The following DPP6 variants were observed in gnomAD, a reference collection of about 807,000 sequenced individuals.
DPP6 encodes A-type potassium channel modulatory protein DPP6.
A neutral mutation model predicts 122.6 loss-of-function variants in DPP6; 69 were observed. The ratio of observed to expected loss-of-function variants is 0.56; its 90% CI spans 0.46 to 0.69. The LOEUF (loss-of-function observed/expected upper bound fraction) is 0.69. Ranked by LOEUF, DPP6 falls within the 30% of genes least tolerant of loss-of-function variation. The pLI, the probability that DPP6 is intolerant of heterozygous loss-of-function variation, is 0.00. For missense variants in DPP6, 928 were observed against 1,116.9 expected, an observed-to-expected ratio of 0.83 and a Z score of 2.41; for synonymous variants, 418 against 433.1, an observed-to-expected ratio of 0.97 and a Z score of 0.43.
chr7:154,597,060 G>A lies in DPP6; in HGVS notation c.627+30144G>A, dbSNP rs369726390. ...ACTTCTTAGTATTTTGAGGCAGAGG[G>A]AAGAACTACAAAAAAACCTCAGGGC... is the stretch of plus-strand genomic sequence containing the variant. On this transcript the variant is annotated intron_variant, in intron 5 of 25. Coordinates refer to ENST00000377770, the MANE Select transcript of DPP6 (RefSeq NM_130797.4). 5.3e-5 allele frequency among the ~76,000 whole-genome samples: 8 copies of A among 152,088 alleles called. No homozygotes were observed. The South Asian group carries it at 1.7e-3, about 32-fold the overall frequency.
chr7:154,118,304 T>C (rs1303206500), intron 1 of DPP6, among the ~76,000 whole-genome samples: 1 of 150,108 alleles, frequency 6.7e-6, no homozygotes, highest in Non-Finnish European at 1.5e-5. Context: ...ATATCTGAGA[T>C]GGCAGGAACA....
intron 2 of DPP6, among the ~76,000 whole-genome samples, chr7:154,453,218 G>A (rs1419445681): frequency 1.3e-5 from 2 of 152,072 alleles, no homozygotes; most frequent in Non-Finnish European, 2.9e-5. Flanking sequence ...TAGAGCAGGT[G>A]GACAGTGGTT....
chr7:154,806,929 G>A lies in DPP6; in HGVS notation c.1548-65G>A, dbSNP rs11764611. ...TCATGGGGAGAGCCCACCAGCTTGCGGCACCCAGCGTGGAGGGCAGCTCCT... is the reference window on the plus strand; with the variant it reads ...TCATGGGGAGAGCCCACCAGCTTGCAGCACCCAGCGTGGAGGGCAGCTCCT... On this transcript the variant is annotated intron_variant, in intron 15 of 25. Coordinates refer to ENST00000377770, the MANE Select transcript of DPP6 (RefSeq NM_130797.4). 101,463 of 1,580,294 alleles carry A rather than the reference G, an allele frequency of 0.064. 3,796 individuals carry two copies. The highest frequency in any genetic ancestry group is 0.076 in the Non-Finnish European group (87,731 of 1,160,980).
the DPP6 span, among the ~76,000 whole-genome samples, chr7:153,813,094 G>A: frequency 6.6e-6 from 1 of 151,782 alleles, no homozygotes; most frequent in Non-Finnish European, 1.5e-5. Context: ...ATGTATACAT[G>A]TGCCATGCTG....
rs115603296 is a variant in DPP6, at chr7:154,193,825, C to T, written c.243+140762C>T. On this transcript the variant is annotated intron_variant, in intron 1 of 25. Transcript: ENST00000377770. Reference sequence around the variant, plus strand: ...AGAAAGCAAAAGTATGTACTCCTCCCGGCTAAGCAGGTTGTGAGAATCCCA... The same window carrying T: ...AGAAAGCAAAAGTATGTACTCCTCCTGGCTAAGCAGGTTGTGAGAATCCCA... Among the ~76,000 whole-genome samples, 964 of 152,048 alleles carry T rather than the reference C, an allele frequency of 6.3e-3. 10 individuals carry two copies. The highest frequency in any genetic ancestry group is 0.022 in the African/African-American group (920 of 41,480).
chr7:154,472,559 C>T (rs1436761873), intron 2 of DPP6, among the ~76,000 whole-genome samples: 1 of 152,212 alleles, frequency 6.6e-6, no homozygotes, highest in Non-Finnish European at 1.5e-5. Flanking sequence ...ATCATTCATT[C>T]TGCTTTGGTT....
chr7:154,565,658 T>C (rs954667610), intron 4 of DPP6, among the ~76,000 whole-genome samples: 2 of 152,144 alleles, frequency 1.3e-5, no homozygotes, highest in African/African-American at 4.8e-5. Context: ...CCTAAGTAGC[T>C]GGGATTACAG....
At chr7:153,967,257 G>T (rs773223011) in intron 1 of DPP6, among the ~76,000 whole-genome samples, 2 of 151,978 alleles carry the variant, frequency 1.3e-5, no homozygotes, top group African/African-American at 4.8e-5. Context: ...TTTGCAGTTG[G>T]GGTCATATTC....
Position 154,080,588 on chromosome 7 carries a change from A to T in DPP6, c.243+27525A>T, listed in dbSNP as rs545096408. Among the ~76,000 whole-genome samples, 59 of 152,294 alleles carry T rather than the reference A, an allele frequency of 3.9e-4. 1 individual carries two copies. The South Asian group carries it at 0.011, about 29-fold the overall frequency. On this transcript the variant is annotated intron_variant, in intron 1 of 25. Coordinates refer to ENST00000377770, the MANE Select transcript of DPP6 (RefSeq NM_130797.4). ...CATATGCTTTTCCCTATGGTAGATA[A>T]GCCTTGGGTCTGGGAGTAAGAGTGC... is the stretch of plus-strand genomic sequence containing the variant.
chr7:154,651,879 AC>A (rs1304814857), intron 6 of DPP6, among the ~76,000 whole-genome samples: 1 of 152,104 alleles, frequency 6.6e-6, no homozygotes, highest in African/African-American at 2.4e-5. Context: ...AGAATTGGAA[AC>A]CTTTTCCCAG....
chr7:154,067,865 C>T (rs1227843108), intron 1 of DPP6, among the ~76,000 whole-genome samples: 1 of 151,550 alleles, frequency 6.6e-6, no homozygotes, highest in Non-Finnish European at 1.5e-5. Context: ...CTGCCTCAGC[C>T]TGTCAAGTGC....
intron 7 of DPP6, among the ~76,000 whole-genome samples, chr7:154,676,723 A>G (rs1304360561): frequency 1.3e-5 from 2 of 152,264 alleles, no homozygotes; most frequent in Non-Finnish European, 2.9e-5. Flanking sequence ...TTTAAGGTGT[A>G]CACAGGCCCA....
chr7:153,903,820 A>G (rs1799737759), intron 1 of DPP6, among the ~76,000 whole-genome samples: 1 of 152,016 alleles, frequency 6.6e-6, no homozygotes, highest in African/African-American at 2.4e-5. Flanking sequence ...TTGTGTTGCT[A>G]TTGTTTTCAG....
At chr7:153,843,277 C>T in the DPP6 span, among the ~76,000 whole-genome samples, 10 of 148,626 alleles carry the variant, frequency 6.7e-5, no homozygotes, top group East Asian at 3.9e-4. Context: ...CGCATGCGCG[C>T]GCGCACACAC....
At chr7:153,815,113 A>G in the DPP6 span, among the ~76,000 whole-genome samples, 3 of 152,186 alleles carry the variant, frequency 2.0e-5, no homozygotes, top group Non-Finnish European at 2.9e-5. Context: ...GGCCAGGGCA[A>G]TTAGGCAGGA....
chr7:154,710,080 C>T (rs549890372), intron 7 of DPP6, among the ~76,000 whole-genome samples: 5 of 152,292 alleles, frequency 3.3e-5, no homozygotes, highest in African/African-American at 1.2e-4. Context: ...TGCTGCTGTC[C>T]CCCCAACCAC....
intron 13 of DPP6, 98 bp from the exon 14 acceptor site, chr7:154,803,766 C>A: frequency 3.4e-6 from 5 of 1,481,524 alleles, no homozygotes; most frequent in Non-Finnish European, 3.6e-6. Context: ...AGAATGGCAG[C>A]CCCTGTCACC....
At chr7:153,946,800 C>T (rs542616761) in intron 1 of DPP6, among the ~76,000 whole-genome samples, 161 of 152,240 alleles carry the variant, frequency 1.1e-3, no homozygotes, top group Non-Finnish European at 2.0e-3. Flanking sequence ...AATAGTGATA[C>T]ATTGATGGTA....
intron 1 of DPP6, among the ~76,000 whole-genome samples, chr7:154,326,734 T>C (rs1390926061): frequency 6.6e-6 from 1 of 152,222 alleles, no homozygotes; most frequent in East Asian, 1.9e-4. Flanking sequence ...GGTTTCCCCA[T>C]AATAATTTTT....
Sources: allele counts gnomAD v4.1 joint callset (sites outside exome capture counted in the v4.1 genomes callset), GRCh38; gene constraint gnomAD v4.1.1; transcripts MANE v1.5; gene names NCBI Gene and HGNC (gene_info 2026-07-23, HGNC 2026-07-21).